Variants in HSD17B12 observed in about 807,000 individuals in gnomAD.
HSD17B12 encodes the protein hydroxysteroid 17-beta dehydrogenase 12, also known as very-long-chain 3-oxoacyl-CoA reductase.
A neutral mutation model predicts 39.3 loss-of-function variants in HSD17B12; 32 were observed. The ratio of observed to expected loss-of-function variants is 0.81; its 90% CI spans 0.61 to 1.09. The LOEUF (loss-of-function observed/expected upper bound fraction) is 1.09. Among genes scored for constraint, HSD17B12 ranks in the 50% least tolerant of loss-of-function variants. The probability of loss-of-function intolerance (pLI) is 0.00; values close to 1 mark genes in which losing one functional copy is unlikely to be tolerated. For synonymous variants in HSD17B12, 150 were observed against 146.7 expected, an observed-to-expected ratio of 1.02 and a Z score of -0.16; for missense variants, 342 against 382.9, an observed-to-expected ratio of 0.89 and a Z score of 0.89.
chr11:43,637,969 G>A, the HSD17B12 span, among the ~76,000 whole-genome samples: 1 of 152,130 alleles, frequency 6.6e-6, no homozygotes, highest in Admixed American at 6.6e-5. Flanking sequence ...GCTCTCTGGT[G>A]GAGTCAAGGG....
the HSD17B12 span, among the ~76,000 whole-genome samples, chr11:43,659,003 GA>G: frequency 6.6e-6 from 1 of 152,226 alleles, no homozygotes; most frequent in Non-Finnish European, 1.5e-5. Flanking sequence ...GGAGCCTAAA[GA>G]GTCAGGCAGG....
At chr11:43,757,127 G>A (rs1950513508) in intron 3 of HSD17B12, among the ~76,000 whole-genome samples, 1 of 152,150 alleles carries the variant, frequency 6.6e-6, no homozygotes, top group Non-Finnish European at 1.5e-5. Flanking sequence ...GGAGGATAAT[G>A]TTTGCATGAA....
chr11:43,675,789 T>C (rs984684633), upstream of HSD17B12, among the ~76,000 whole-genome samples: 3 of 151,886 alleles, frequency 2.0e-5, no homozygotes, highest in African/African-American at 7.3e-5. Context: ...TGCTAAAGAA[T>C]TGGATATGGA....
the HSD17B12 span, among the ~76,000 whole-genome samples, chr11:43,587,046 A>G: frequency 1.3e-5 from 2 of 152,262 alleles, no homozygotes; most frequent in South Asian, 4.1e-4. Context: ...AGCGGTGGAA[A>G]GAATTAAAAG....
the HSD17B12 span, among the ~76,000 whole-genome samples, chr11:43,567,678 A>G: frequency 6.6e-5 from 10 of 152,224 alleles, no homozygotes; most frequent in Non-Finnish European, 1.2e-4. Context: ...TGAAGCAAGG[A>G]GAAAAGGTGT....
chr11:43,573,510 A>G, the HSD17B12 span, among the ~76,000 whole-genome samples: 1 of 152,196 alleles, frequency 6.6e-6, no homozygotes, highest in Admixed American at 6.5e-5. Context: ...TTACACCAGC[A>G]TAATTTTGGC....
chr11:43,622,462 A>C, the HSD17B12 span, among the ~76,000 whole-genome samples: 2 of 151,962 alleles, frequency 1.3e-5, 1 homozygote, highest in Non-Finnish European at 2.9e-5. Flanking sequence ...AAATAAAATA[A>C]ATTTTTTACT....
the HSD17B12 span, among the ~76,000 whole-genome samples, chr11:43,558,546 T>C: frequency 6.8e-4 from 104 of 152,214 alleles, 1 homozygote; most frequent in East Asian, 6.2e-3. Flanking sequence ...CAGCCACTTC[T>C]GGGAGGTGGA....
At chr11:43,640,704 T>G in the HSD17B12 span, among the ~76,000 whole-genome samples, 2 of 151,982 alleles carry the variant, frequency 1.3e-5, no homozygotes, top group African/African-American at 4.8e-5. Context: ...TATTGAGTCA[T>G]AAATAAGACC....
the HSD17B12 span, among the ~76,000 whole-genome samples, chr11:43,611,570 G>A: frequency 6.6e-6 from 1 of 152,164 alleles, no homozygotes; most frequent in Non-Finnish European, 1.5e-5. Flanking sequence ...CTTCATAACT[G>A]CAGACTTCCA....
At chr11:43,760,553 T>C (rs1223268843) in intron 3 of HSD17B12, among the ~76,000 whole-genome samples, 2 of 152,194 alleles carry the variant, frequency 1.3e-5, no homozygotes, top group African/African-American at 4.8e-5. Context: ...TAAATCTTAC[T>C]GGTCTATAGT....
At chr11:43,687,987 G>T (rs1021812906) in intron 1 of HSD17B12, among the ~76,000 whole-genome samples, 1 of 152,148 alleles carries the variant, frequency 6.6e-6, no homozygotes, top group African/African-American at 2.4e-5. Flanking sequence ...TGAAGTGGGC[G>T]GATCACTTGA....
At chr11:43,828,334 A>G (rs9651613) in intron 6 of HSD17B12, among the ~76,000 whole-genome samples, 89,868 of 140,080 alleles carry the variant, frequency 0.64, 29,182 homozygotes, top group East Asian at 0.74. Context: ...AGTAGAGACG[A>G]GGTTTCACCG....
chr11:43,779,371 C>T (rs773790289), intron 3 of HSD17B12, among the ~76,000 whole-genome samples: 5 of 152,212 alleles, frequency 3.3e-5, no homozygotes, highest in Non-Finnish European at 5.9e-5. Flanking sequence ...TGCCTGAAAT[C>T]CAGGCTTAAA....
chr11:43,662,529 AAAAAAG>A, the HSD17B12 span, among the ~76,000 whole-genome samples: 1 of 151,846 alleles, frequency 6.6e-6, no homozygotes, highest in Admixed American at 6.6e-5. Context: ...CTCAAAAAAA[AAAAAAG>A]AAAAAGAAAA....
At chr11:43,855,023 A>G (rs1054509160) in intron 10 of HSD17B12, 121 bp from the exon 11 acceptor site, 131 of 1,069,064 alleles carry the variant, frequency 1.2e-4, no homozygotes, top group Non-Finnish European at 3.5e-5. Flanking sequence ...TCGTATACCC[A>G]AGAACTTTAA....
At chr11:43,601,639 G>T in the HSD17B12 span, among the ~76,000 whole-genome samples, 10 of 152,158 alleles carry the variant, frequency 6.6e-5, no homozygotes, top group Non-Finnish European at 1.5e-4. Flanking sequence ...TTTGGGTGGG[G>T]TAATCTCCTT....
chr11:43,821,957 G>C (rs1465260945), intron 6 of HSD17B12, among the ~76,000 whole-genome samples: 4 of 152,240 alleles, frequency 2.6e-5, no homozygotes, highest in African/African-American at 9.6e-5. Context: ...AGTATTACCT[G>C]AACTGCCTGT....
At chr11:43,718,587 C>T (rs553002190) in intron 1 of HSD17B12, 5 of 543,102 alleles carry the variant, frequency 9.2e-6, no homozygotes, top group South Asian at 4.2e-5. Context: ...AGCACTGTTC[C>T]ATAGCAATTT....
Sources: gnomAD v4.1 joint callset for allele counts (sites outside exome capture counted in the v4.1 genomes callset) on GRCh38, gnomAD v4.1.1 for gene constraint, MANE v1.5 for transcripts, NCBI Gene and HGNC (gene_info 2026-07-23, HGNC 2026-07-21) for gene names.